ITPK1: variants seen among roughly 807,000 people sequenced by gnomAD.
The protein encoded by ITPK1 is inositol 1,3,4-trisphosphate 5/6-kinase.
Under a neutral mutation model 45.3 loss-of-function variants are expected in ITPK1, and 21 were observed. That is an observed-to-expected ratio of 0.46 (90% confidence interval 0.33 to 0.67). The LOEUF (loss-of-function observed/expected upper bound fraction) is 0.67, where lower values mean the gene tolerates loss of function less well. Ranked by LOEUF, ITPK1 falls within the 30% of genes least tolerant of loss-of-function variation. ITPK1 has a pLI of 0.02. For missense variants in ITPK1, 474 were observed against 573.5 expected (o/e 0.83, Z 1.77); for synonymous variants, 258 against 253.6 (o/e 1.02, Z -0.16).
chr14:93,041,030 C>T (rs1027442056), intron 3 of ITPK1, among the ~76,000 whole-genome samples: 1 of 152,204 alleles, frequency 6.6e-6, no homozygotes, highest in Non-Finnish European at 1.5e-5. Context: ...CCCATCAATA[C>T]AGAGTGTGGG....
intron 4 of ITPK1, among the ~76,000 whole-genome samples, chr14:93,007,317 C>T (rs1798673796): frequency 6.6e-6 from 1 of 152,198 alleles, no homozygotes; most frequent in Non-Finnish European, 1.5e-5. Context: ...TACATCAAGG[C>T]CAAAGGTGAC....
At position 92,938,664 on chromosome 14, in the gene ITPK1, G is replaced by C. The variant is rs1887219569; in HGVS notation, c.*2897C>G. 3 of 700,774 alleles carry C rather than the reference G, an allele frequency of 4.3e-6. No individual in the cohort carries two copies. Among genetic ancestry groups the C allele is most frequent in the Non-Finnish European group, 5.1e-6 (2 of 391,906 alleles). 43.4% of individuals were successfully genotyped at this position (700,774 alleles called of 1,614,324 possible). A position where few individuals can be genotyped will look rare whatever the true frequency, so the allele number is the denominator to read the frequency against. On this transcript the variant is annotated 3_prime_UTR_variant, in exon 11 of 11. Coordinates refer to ENST00000267615, the MANE Select transcript of ITPK1 (RefSeq NM_014216.6). Reference sequence around the variant, plus strand: ...GGGTCCAATCCCGCCGGCCATGCTGGGTGACTGCAGGCCCAGCCCACCCAC... The same window carrying C: ...GGGTCCAATCCCGCCGGCCATGCTGCGTGACTGCAGGCCCAGCCCACCCAC...
chr14:92,943,254 C>G (rs1887521484), intron 10 of ITPK1, among the ~76,000 whole-genome samples: 1 of 152,234 alleles, frequency 6.6e-6, no homozygotes, highest in African/African-American at 2.4e-5. Flanking sequence ...TGATGACGTC[C>G]ATGGCGTTCA....
chr14:93,092,268 G>A (rs750310315), intron 2 of ITPK1, among the ~76,000 whole-genome samples: 5 of 152,148 alleles, frequency 3.3e-5, no homozygotes, highest in African/African-American at 4.8e-5. Context: ...ATGCAAAATC[G>A]AGGCTCAGGG....
intron 4 of ITPK1, among the ~76,000 whole-genome samples, chr14:92,995,502 C>T (rs1199793492): frequency 6.6e-6 from 1 of 152,250 alleles, no homozygotes; most frequent in Non-Finnish European, 1.5e-5. Flanking sequence ...AAATCAGCCT[C>T]TCCTTGGATT....
At chr14:93,054,750 A>G (rs1231932684) in intron 3 of ITPK1, among the ~76,000 whole-genome samples, 1 of 152,210 alleles carries the variant, frequency 6.6e-6, no homozygotes, top group Non-Finnish European at 1.5e-5. Context: ...CCAATGTTCT[A>G]GAGAATCTAA....
chr14:92,982,065 G>A (rs973007381), intron 5 of ITPK1, among the ~76,000 whole-genome samples: 15 of 152,232 alleles, frequency 9.9e-5, no homozygotes, highest in Non-Finnish European at 2.1e-4. Flanking sequence ...GGGCAGGGGC[G>A]ACATGCCCCA....
intron 3 of ITPK1, among the ~76,000 whole-genome samples, chr14:93,047,595 G>A (rs1009239503): frequency 3.9e-5 from 6 of 152,222 alleles, no homozygotes; most frequent in African/African-American, 1.2e-4. Flanking sequence ...GGGACTATGA[G>A]AAGCTGGCAG....
chr14:93,017,017 C>A (rs1445455995), intron 3 of ITPK1, among the ~76,000 whole-genome samples: 1 of 152,162 alleles, frequency 6.6e-6, no homozygotes, highest in Non-Finnish European at 1.5e-5. Context: ...CCTGCTAACT[C>A]CTCAAGGGCA....
chr14:93,086,840 C>T (rs1212463682), intron 2 of ITPK1, among the ~76,000 whole-genome samples: 3 of 152,238 alleles, frequency 2.0e-5, no homozygotes, highest in Non-Finnish European at 4.4e-5. Context: ...CATGAGTCAG[C>T]CCTGACCCCA....
At position 92,940,799 on chromosome 14, in the gene ITPK1, C is replaced by T; in HGVS notation, c.*762G>A. 1 of 1,287,300 alleles carries T rather than the reference C, an allele frequency of 7.8e-7. No individual in the cohort carries two copies. The highest frequency in any genetic ancestry group is 1.0e-6 in the Non-Finnish European group (1 of 987,754). 79.7% of individuals were successfully genotyped at this position (1,287,300 alleles called of 1,614,324 possible). On this transcript the variant is annotated 3_prime_UTR_variant, in exon 11 of 11. Coordinates refer to ENST00000267615, the MANE Select transcript of ITPK1 (RefSeq NM_014216.6). ...CAGCACAGGCGCCATCGGCTCGGGC[C>T]TCCAGCCAGGCAGCCTCCTTCCCGG...
intron 8 of ITPK1, among the ~76,000 whole-genome samples, chr14:92,955,603 G>A (rs1235081956): frequency 1.3e-5 from 2 of 152,178 alleles, no homozygotes. Flanking sequence ...CCTGACTTCA[G>A]CTCCAGCCAA....
Position 93,076,119 on chromosome 14 carries a change from A to T in ITPK1, c.120+476T>A, listed in dbSNP as rs947910553. Among the ~76,000 whole-genome samples, 2 of 143,366 alleles carry T rather than the reference A, an allele frequency of 1.4e-5. No individual in the cohort carries two copies. The highest frequency in any genetic ancestry group is 5.3e-5 in the African/African-American group (2 of 37,892). The allele number at this position is 143,366 out of a possible 152,430, so 94.1% of individuals were successfully genotyped here. On this transcript the variant is annotated intron_variant, in intron 3 of 10. Transcript: ENST00000267615. This position sits in a 1 kb window ranked among gnomAD's most constrained non-coding sequence, Gnocchi z 4.3. ...TCCCTCCATCCTTCCTTCTCCCTCC[A>T]TCTGTCCACCTTTCCCCTCCCTCCA...
chr14:93,041,996 A>G (rs1889582034), intron 3 of ITPK1, among the ~76,000 whole-genome samples: 1 of 152,162 alleles, frequency 6.6e-6, no homozygotes, highest in Non-Finnish European at 1.5e-5. Flanking sequence ...CCTAAGGGCC[A>G]CCTACTAAAT....
intron 2 of ITPK1, among the ~76,000 whole-genome samples, chr14:93,105,709 T>G (rs1390565832): frequency 2.0e-5 from 3 of 150,038 alleles, no homozygotes; most frequent in East Asian, 3.9e-4. Context: ...GGGGTTTTTT[T>G]TTTTTTTTTT....
At chr14:92,965,469 C>G (rs931352724) in intron 5 of ITPK1, among the ~76,000 whole-genome samples, 2 of 152,192 alleles carry the variant, frequency 1.3e-5, no homozygotes. Flanking sequence ...CTATTTAACA[C>G]TGTACTGGAG....
Position 93,099,945 on chromosome 14 carries a change from G to A in ITPK1, c.95+15124C>T, listed in dbSNP as rs189591318. ...TCTTTGCAAGCTGGGTCCAGAGCTG[G>A]AAGCTGAGGGAGAGCAGCCCCCAGC... is the stretch of plus-strand genomic sequence containing the variant. On this transcript the variant is annotated intron_variant, in intron 2 of 10. Coordinates refer to ENST00000267615, the MANE Select transcript of ITPK1 (RefSeq NM_014216.6). Among the ~76,000 whole-genome samples the A allele has an allele frequency of 7.5e-4, 114 of 152,308 alleles. 2 individuals carry two copies. In the Middle Eastern group the frequency reaches 0.017, roughly 23 times the overall value.
chr14:93,001,159 G>T (rs1358991708), intron 4 of ITPK1, among the ~76,000 whole-genome samples: 1 of 151,632 alleles, frequency 6.6e-6, no homozygotes, highest in African/African-American at 2.4e-5. Context: ...CGGGCATGGT[G>T]GTGGGCGCCT....
At position 92,958,430 on chromosome 14, in the gene ITPK1, G is replaced by T; in HGVS notation, c.505-64C>A. The T allele has an allele frequency of 6.6e-7, 1 of 1,526,074 alleles. No individual in the cohort carries two copies. The highest frequency in any genetic ancestry group is 9.0e-7 in the Non-Finnish European group (1 of 1,106,334). The allele number at this position is 1,526,074 out of a possible 1,614,324, so 94.5% of individuals were successfully genotyped here. ...CCACCTTCTCAGCCTCCAACACACA[G>T]GTGTGTCACCTGTCCAGAGCACCTC... On this transcript the variant is annotated intron_variant, in intron 7 of 10. Transcript: ENST00000267615. This position sits in a 1 kb window ranked among gnomAD's most constrained non-coding sequence, Gnocchi z 4.4.
Sources: allele counts gnomAD v4.1 joint callset (sites outside exome capture counted in the v4.1 genomes callset), GRCh38; gene constraint gnomAD v4.1.1; non-coding constraint Gnocchi (gnomAD v3.1); transcripts MANE v1.5; gene names NCBI Gene and HGNC (gene_info 2026-07-23, HGNC 2026-07-21).